The following ADAMTS12 variants were observed in gnomAD, a reference collection of about 807,000 sequenced individuals.
The protein encoded by ADAMTS12 is A disintegrin and metalloproteinase with thrombospondin motifs 12.
ADAMTS12 carries 118 observed loss-of-function variants against 167.8 expected under a neutral mutation model. The ratio of observed to expected loss-of-function variants is 0.70; its 90% CI spans 0.61 to 0.82. ADAMTS12 has a LOEUF of 0.82. Among genes scored for constraint, ADAMTS12 ranks in the 40% least tolerant of loss-of-function variants. The pLI is 0.00. For missense variants in ADAMTS12, 1,916 were observed against 1,998.8 expected (o/e 0.96, Z 0.79); for synonymous variants, 704 against 716.9 (o/e 0.98, Z 0.29).
At chr5:33,712,660 A>G (rs868710542) in intron 3 of ADAMTS12, among the ~76,000 whole-genome samples, 35 of 152,254 alleles carry the variant, frequency 2.3e-4, no homozygotes, top group African/African-American at 8.4e-4. Flanking sequence ...AAAATCACTG[A>G]CATAGGTGAG....
chr5:33,690,971 C>T (rs1742528713), intron 3 of ADAMTS12, among the ~76,000 whole-genome samples: 2 of 152,042 alleles, frequency 1.3e-5, no homozygotes, highest in Admixed American at 6.6e-5. Context: ...ATAATGAGTC[C>T]CAGTATGCTT....
chr5:33,553,455 G>A (rs1349129583), intron 20 of ADAMTS12, among the ~76,000 whole-genome samples: 1 of 152,154 alleles, frequency 6.6e-6, no homozygotes, highest in Admixed American at 6.5e-5. Context: ...CAAAGACATG[G>A]AATCAACCTA....
Position 33,624,271 on chromosome 5 carries a change from G to A in ADAMTS12, c.2103C>T (p.Cys701=). Residue 701 remains cysteine, a synonymous_variant, in exon 14 of 24, where the codon TGC becomes TGT. Coordinates refer to ENST00000504830, the MANE Select transcript of ADAMTS12 (RefSeq NM_030955.4). ...GCTTAAACATCTTTCTCACAGTCTG[G>A]CAGGAAGAGCCATCTCCCAGGCACA... ...CGVCLGDGSS[C]QTVRKMFKQK... 3 of 1,613,982 alleles carry A rather than the reference G, an allele frequency of 1.9e-6. No homozygotes were observed. Among genetic ancestry groups the A allele is most frequent in the Non-Finnish European group, 2.5e-6 (3 of 1,179,972 alleles).
chr5:33,753,703 G>A (rs1745076760), intron 2 of ADAMTS12, among the ~76,000 whole-genome samples: 1 of 152,140 alleles, frequency 6.6e-6, no homozygotes, highest in Non-Finnish European at 1.5e-5. Context: ...CTCCACTTGA[G>A]GACATAATAA....
intron 12 of ADAMTS12, 149 bp from the exon 13 acceptor site, chr5:33,631,062 C>T (rs191902425): frequency 1.5e-5 from 13 of 847,846 alleles, no homozygotes; most frequent in Non-Finnish European, 2.1e-5. Context: ...TGAAATATGC[C>T]TCAAGACACA....
chr5:33,868,824 T>G (rs1304364186), intron 2 of ADAMTS12, among the ~76,000 whole-genome samples: 1 of 152,220 alleles, frequency 6.6e-6, no homozygotes, highest in East Asian at 1.9e-4. Context: ...TCAGTGTATT[T>G]TATGTGTAGC....
intron 16 of ADAMTS12, 92 bp from the exon 17 acceptor site, chr5:33,596,152 C>G: frequency 6.8e-7 from 1 of 1,474,254 alleles, no homozygotes; most frequent in East Asian, 2.3e-5. Context: ...AACGATCATG[C>G]TGACGGCTGA....
At chr5:33,669,115 AT>A (rs1561204895) in intron 5 of ADAMTS12, among the ~76,000 whole-genome samples, 1 of 152,214 alleles carries the variant, frequency 6.6e-6, no homozygotes, top group Non-Finnish European at 1.5e-5. Context: ...AATCAATACA[AT>A]TAGTTAGTGG....
At chr5:33,883,861 C>T (rs1220051746) in intron 1 of ADAMTS12, among the ~76,000 whole-genome samples, 1 of 152,206 alleles carries the variant, frequency 6.6e-6, no homozygotes, top group Non-Finnish European at 1.5e-5. Flanking sequence ...GAAATGTCTG[C>T]TCCAATCTGT....
chr5:33,850,867 C>T (rs542319046), intron 2 of ADAMTS12, among the ~76,000 whole-genome samples: 7 of 152,292 alleles, frequency 4.6e-5, no homozygotes, highest in South Asian at 4.1e-4. Flanking sequence ...TAATTTTGCA[C>T]GTATCACCCC....
At chr5:33,627,903 G>A (rs1363851311) in intron 13 of ADAMTS12, among the ~76,000 whole-genome samples, 1 of 152,140 alleles carries the variant, frequency 6.6e-6, no homozygotes, top group Non-Finnish European at 1.5e-5. Context: ...AAGATTGTCA[G>A]GTAAGGATAA....
intron 23 of ADAMTS12, among the ~76,000 whole-genome samples, chr5:33,532,096 A>T (rs1311465626): frequency 4.6e-5 from 7 of 152,202 alleles, no homozygotes; most frequent in African/African-American, 1.7e-4. Flanking sequence ...TGGAGGGGAG[A>T]TCCCAATTTG....
intron 3 of ADAMTS12, among the ~76,000 whole-genome samples, chr5:33,687,316 C>A (rs2112269805): frequency 6.6e-6 from 1 of 152,134 alleles, no homozygotes; most frequent in Middle Eastern, 3.4e-3. Context: ...TTTAACTTGC[C>A]AAAAATCTAT....
chr5:33,825,017 CTG>C (rs1345122883), intron 2 of ADAMTS12, among the ~76,000 whole-genome samples: 1 of 152,196 alleles, frequency 6.6e-6, no homozygotes, highest in African/African-American at 2.4e-5. Flanking sequence ...CTGACCCAGA[CTG>C]TGCTATCGTG....
chr5:33,733,181 AATATATGGTTATT>A (rs1482196733), intron 3 of ADAMTS12, among the ~76,000 whole-genome samples: 2 of 145,596 alleles, frequency 1.4e-5, no homozygotes, highest in African/African-American at 4.9e-5. Flanking sequence ...CAGTAAAAAA[AATATATGGTTATT>A]ATATTTGGTT....
intron 19 of ADAMTS12, 32 bp from the exon 20 acceptor site, chr5:33,561,211 C>T: frequency 6.2e-7 from 1 of 1,606,454 alleles, no homozygotes; most frequent in East Asian, 2.2e-5. Flanking sequence ...ATGACAGAGG[C>T]TGAGTGTCAC....
rs111480385 is a variant in ADAMTS12, at chr5:33,847,939, G to A, written c.489+33180C>T. 3.5e-3 allele frequency among the ~76,000 whole-genome samples: 529 copies of A among 152,262 alleles called. 6 individuals are homozygous for A. The highest frequency in any genetic ancestry group is 0.012 in the African/African-American group (513 of 41,550). ...CCATAAAGAGTGAAACAATGGCCAG[G>A]TGCAGTGGCTTACACCTGTAATCCC... On this transcript the variant is annotated intron_variant, in intron 2 of 23. Transcript: ENST00000504830.
chr5:33,803,556 CTA>C (rs1455217752), intron 2 of ADAMTS12, among the ~76,000 whole-genome samples: 1 of 152,140 alleles, frequency 6.6e-6, no homozygotes, highest in Admixed American at 6.5e-5. Flanking sequence ...ACAATGATCT[CTA>C]TGATTCATGG....
intron 3 of ADAMTS12, among the ~76,000 whole-genome samples, chr5:33,706,745 A>T (rs1057072324): frequency 2.0e-5 from 3 of 152,250 alleles, no homozygotes; most frequent in African/African-American, 7.2e-5. Context: ...CTTCGATAAA[A>T]GTCAACACAC....
Sources: allele counts gnomAD v4.1 joint callset (sites outside exome capture counted in the v4.1 genomes callset), GRCh38; gene constraint gnomAD v4.1.1; transcripts MANE v1.5; gene names NCBI Gene and HGNC (gene_info 2026-07-23, HGNC 2026-07-21).